Variants in SPATS2 observed in about 807,000 individuals in gnomAD.
SPATS2 encodes spermatogenesis-associated serine-rich protein 2.
A neutral mutation model predicts 63.7 loss-of-function variants in SPATS2; 38 were observed. The ratio of observed to expected loss-of-function variants is 0.60; its 90% CI spans 0.46 to 0.78. The LOEUF (loss-of-function observed/expected upper bound fraction) is 0.78. SPATS2 is among the 30% of genes least tolerant of loss of function. The pLI is 0.00. For synonymous variants in SPATS2, 207 were observed against 232.9 expected, an observed-to-expected ratio of 0.89 and a Z score of 1.01; for missense variants, 588 against 666.2, an observed-to-expected ratio of 0.88 and a Z score of 1.29.
chr12:49,440,368 G>A (rs1281902943), intron 2 of SPATS2, among the ~76,000 whole-genome samples: 1 of 151,850 alleles, frequency 6.6e-6, no homozygotes, highest in Non-Finnish European at 1.5e-5. Flanking sequence ...CTTTTCTCCC[G>A]CTCTTAAGAT....
At chr12:49,428,889 G>A (rs912987653) in intron 2 of SPATS2, among the ~76,000 whole-genome samples, 1 of 152,176 alleles carries the variant, frequency 6.6e-6, no homozygotes, top group African/African-American at 2.4e-5. Flanking sequence ...GTGTGTGTAA[G>A]GGGGTGGTAA....
chr12:49,426,065 G>A (rs1413249019), intron 2 of SPATS2, among the ~76,000 whole-genome samples: 1 of 152,164 alleles, frequency 6.6e-6, no homozygotes, highest in African/African-American at 2.4e-5. Flanking sequence ...CTGCGTGTAC[G>A]CCAGTGTTGC....
At chr12:49,428,112 G>A (rs949429242) in intron 2 of SPATS2, among the ~76,000 whole-genome samples, 3 of 151,994 alleles carry the variant, frequency 2.0e-5, no homozygotes, top group Admixed American at 6.6e-5. Flanking sequence ...AAAATTAGCC[G>A]GGCGCCATGG....
intron 2 of SPATS2, among the ~76,000 whole-genome samples, chr12:49,393,115 C>CA (rs1944448282): frequency 6.6e-6 from 1 of 151,974 alleles, no homozygotes; most frequent in South Asian, 2.1e-4. Flanking sequence ...TTAATTATGC[C>CA]AATTGGAGTC....
intron 3 of SPATS2, chr12:49,462,788 C>G (rs1258743986): frequency 2.1e-5 from 7 of 327,358 alleles, no homozygotes; most frequent in Non-Finnish European, 4.0e-5. Context: ...CAAGCTGTCC[C>G]TCTAAAGTCA....
chr12:49,471,935 AAACCAGC>A (rs1946040922), intron 3 of SPATS2, among the ~76,000 whole-genome samples: 1 of 152,086 alleles, frequency 6.6e-6, no homozygotes, highest in Non-Finnish European at 1.5e-5. Flanking sequence ...CAGGAGTTTG[AAACCAGC>A]CTGGGCAACA....
intron 10 of SPATS2, among the ~76,000 whole-genome samples, chr12:49,518,593 A>G (rs1354816758): frequency 6.6e-6 from 1 of 152,220 alleles, no homozygotes; most frequent in Non-Finnish European, 1.5e-5. Flanking sequence ...ATATACTTCC[A>G]TTTGTGAGAA....
intron 8 of SPATS2, among the ~76,000 whole-genome samples, chr12:49,499,638 C>T (rs1348208460): frequency 1.3e-5 from 2 of 152,096 alleles, no homozygotes; most frequent in African/African-American, 2.4e-5. Context: ...TTCCAAATTC[C>T]CAACTTTGTC....
At chr12:49,504,770 C>CTTTTTTTTTTT (rs745453843) in intron 9 of SPATS2, among the ~76,000 whole-genome samples, 6 of 98,834 alleles carry the variant, frequency 6.1e-5, no homozygotes, top group East Asian at 2.8e-4. Flanking sequence ...TTCTTTCTTT[C>CTTTTTTTTTTT]TTTTTTTTTT....
intron 3 of SPATS2, among the ~76,000 whole-genome samples, chr12:49,464,501 C>A (rs1161396868): frequency 2.0e-5 from 3 of 151,096 alleles, no homozygotes; most frequent in Admixed American, 2.0e-4. Flanking sequence ...GTGGTGCATG[C>A]CTGTAATCCC....
At chr12:49,521,200 A>G (rs561265222) in intron 11 of SPATS2, among the ~76,000 whole-genome samples, 1 of 152,284 alleles carries the variant, frequency 6.6e-6, no homozygotes, top group South Asian at 2.1e-4. Context: ...TTCTGAACAC[A>G]TAAGATTTAT....
chr12:49,526,690 C>T lies in SPATS2; in HGVS notation c.*435C>T, dbSNP rs554742817. On this transcript the variant is annotated 3_prime_UTR_variant, in exon 14 of 14. Coordinates refer to ENST00000552918, the MANE Select transcript of SPATS2 (RefSeq NM_023071.4). ...GGCAATCAGGGGGTTGTATACTGCA[C>T]TGGATTCGCCAGAGAAGGGAAAATT... 18 of 161,270 alleles carry T rather than the reference C, an allele frequency of 1.1e-4. No individual in the cohort carries two copies. Among genetic ancestry groups the T allele is most frequent in the Non-Finnish European group, 2.2e-4 (16 of 73,772 alleles). 10.0% of individuals were successfully genotyped at this position (161,270 alleles called of 1,614,324 possible).
At chr12:49,466,207 A>G (rs1044085164) in intron 3 of SPATS2, among the ~76,000 whole-genome samples, 1 of 151,970 alleles carries the variant, frequency 6.6e-6, no homozygotes, top group Non-Finnish European at 1.5e-5. Flanking sequence ...TCTGTCACCC[A>G]GGCTGGAGTA....
intron 2 of SPATS2, among the ~76,000 whole-genome samples, chr12:49,414,357 TACC>T (rs1490804176): frequency 6.6e-6 from 1 of 152,118 alleles, no homozygotes; most frequent in Non-Finnish European, 1.5e-5. Flanking sequence ...ATCTATGAGG[TACC>T]ACCTTAAATG....
At chr12:49,425,292 T>C (rs1945054394) in intron 2 of SPATS2, among the ~76,000 whole-genome samples, 1 of 152,174 alleles carries the variant, frequency 6.6e-6, no homozygotes, top group South Asian at 2.1e-4. Context: ...AGCCTTCTGT[T>C]TAGTTTTTAA....
Position 49,517,963 on chromosome 12 carries a change from CT to C in SPATS2, c.899-1104del, listed in dbSNP as rs1442044449. ...CAGTCCTCCACTACCCAGTATCCCTCTTTTTTCCAAAATGAGAATATGTTCA... is the reference window on the plus strand; with the variant it reads ...CAGTCCTCCACTACCCAGTATCCCTCTTTTTCCAAAATGAGAATATGTTCA... On this transcript the variant is annotated intron_variant, in intron 10 of 13. Transcript: ENST00000552918. 2.0e-5 allele frequency among the ~76,000 whole-genome samples: 3 copies of C among 152,140 alleles called. No individual in the cohort carries two copies. In the East Asian group the frequency reaches 5.8e-4, roughly 29 times the overall value.
intron 3 of SPATS2, among the ~76,000 whole-genome samples, chr12:49,469,744 T>C (rs1331859160): frequency 2.6e-5 from 4 of 151,200 alleles, no homozygotes. Context: ...ACAAATTAGC[T>C]GAGCGTGGTG....
At chr12:49,404,703 C>T (rs943849011) in intron 2 of SPATS2, among the ~76,000 whole-genome samples, 2 of 152,088 alleles carry the variant, frequency 1.3e-5, no homozygotes, top group African/African-American at 4.8e-5. Context: ...ACTGCCAAAC[C>T]TTGTTTTACC....
At chr12:49,485,217 C>G (rs1232460659) in intron 4 of SPATS2, among the ~76,000 whole-genome samples, 1 of 151,894 alleles carries the variant, frequency 6.6e-6, no homozygotes, top group Admixed American at 6.6e-5. Context: ...CAGGCGCCCA[C>G]CACCATGCCC....
Sources: gnomAD v4.1 joint callset for allele counts (sites outside exome capture counted in the v4.1 genomes callset) on GRCh38, gnomAD v4.1.1 for gene constraint, MANE v1.5 for transcripts, NCBI Gene and HGNC (gene_info 2026-07-23, HGNC 2026-07-21) for gene names.